Variants in OPCML observed in about 807,000 individuals in gnomAD.
OPCML encodes opioid binding protein/cell adhesion molecule like.
In OPCML, 13 loss-of-function variants were observed where a neutral mutation model predicts 37.8. The ratio of observed to expected loss-of-function variants is 0.34; its 90% CI spans 0.22 to 0.55. OPCML has a LOEUF of 0.55. OPCML is among the 20% of genes least tolerant of loss of function. OPCML has a pLI of 0.91. For missense variants in OPCML, 341 were observed against 435.6 expected (o/e 0.78, Z 1.93); for synonymous variants, 176 against 168.8 (o/e 1.04, Z -0.33).
chr11:133,054,058 T>C (rs1477945212), intron 1 of OPCML, among the ~76,000 whole-genome samples: 2 of 152,192 alleles, frequency 1.3e-5, no homozygotes, highest in Non-Finnish European at 1.5e-5. Flanking sequence ...GATTCTTCTC[T>C]TTTCCTGGTC....
At chr11:132,808,033 G>A (rs1320658894) in intron 2 of OPCML, among the ~76,000 whole-genome samples, 2 of 152,082 alleles carry the variant, frequency 1.3e-5, no homozygotes, top group Non-Finnish European at 2.9e-5. Flanking sequence ...CTTTCTGCTG[G>A]CAATGAATTT....
At chr11:132,914,744 A>G (rs545960449) in intron 2 of OPCML, among the ~76,000 whole-genome samples, 1 of 152,296 alleles carries the variant, frequency 6.6e-6, no homozygotes, top group South Asian at 2.1e-4. Flanking sequence ...CAAAGTTGGG[A>G]GACGGGATGG....
intron 2 of OPCML, among the ~76,000 whole-genome samples, chr11:132,824,302 C>T (rs1234655817): frequency 6.6e-6 from 1 of 152,172 alleles, no homozygotes; most frequent in African/African-American, 2.4e-5. Flanking sequence ...TTCGCTCTTT[C>T]CTTTTCTCTT....
At chr11:132,523,243 G>T (rs530903132) in intron 4 of OPCML, among the ~76,000 whole-genome samples, 1 of 152,292 alleles carries the variant, frequency 6.6e-6, no homozygotes, top group Non-Finnish European at 1.5e-5. Flanking sequence ...CTACCAGAGT[G>T]ACTAGAAGAC....
chr11:132,467,129 G>T (rs2096122527), intron 4 of OPCML, among the ~76,000 whole-genome samples: 1 of 152,182 alleles, frequency 6.6e-6, no homozygotes. Context: ...AGTGGCTGGA[G>T]ATTATTTCTC....
At chr11:132,811,960 G>A (rs1939371986) in intron 2 of OPCML, among the ~76,000 whole-genome samples, 1 of 152,144 alleles carries the variant, frequency 6.6e-6, no homozygotes, top group Non-Finnish European at 1.5e-5. Context: ...TATATACAGT[G>A]ATGTGGTCAT....
At chr11:132,590,931 G>T (rs1326548924) in intron 3 of OPCML, among the ~76,000 whole-genome samples, 3 of 152,150 alleles carry the variant, frequency 2.0e-5, no homozygotes, top group Admixed American at 2.0e-4. Context: ...ATAAGGCTAA[G>T]GTAATTATCT....
chr11:132,740,397 T>G (rs1186255574), intron 2 of OPCML, among the ~76,000 whole-genome samples: 1 of 152,190 alleles, frequency 6.6e-6, no homozygotes, highest in Non-Finnish European at 1.5e-5. Flanking sequence ...TGTATGTTTG[T>G]TCAATGAATG....
At chr11:132,730,210 T>C (rs1945030777) in intron 2 of OPCML, among the ~76,000 whole-genome samples, 1 of 151,952 alleles carries the variant, frequency 6.6e-6, no homozygotes, top group Admixed American at 6.6e-5. Context: ...GAGATTTCTA[T>C]GCAGCCTAAC....
chr11:133,013,023 C>A (rs182951220), intron 1 of OPCML, among the ~76,000 whole-genome samples: 1 of 152,272 alleles, frequency 6.6e-6, no homozygotes, highest in Non-Finnish European at 1.5e-5. Flanking sequence ...TGGGACTTGG[C>A]ACCAGAGTTA....
intron 1 of OPCML, among the ~76,000 whole-genome samples, chr11:133,493,795 C>T (rs745808290): frequency 2.0e-5 from 3 of 152,070 alleles, no homozygotes; most frequent in Non-Finnish European, 4.4e-5. Flanking sequence ...AATGGTAATG[C>T]CTAGGTTTTC....
intron 4 of OPCML, among the ~76,000 whole-genome samples, chr11:132,508,377 C>T (rs1940412): frequency 0.24 from 35,722 of 151,968 alleles, 4,292 homozygotes; most frequent in African/African-American, 0.28. Context: ...CATGACCACA[C>T]CAGATTTATT....
chr11:133,474,224 C>T (rs117462359), intron 1 of OPCML, among the ~76,000 whole-genome samples: 2,561 of 152,310 alleles, frequency 0.017, 39 homozygotes, highest in South Asian at 0.04. Context: ...AACTAGAATG[C>T]ATGGTACGTG....
intron 3 of OPCML, among the ~76,000 whole-genome samples, chr11:132,535,204 C>T (rs903240179): frequency 2.0e-5 from 3 of 151,954 alleles, no homozygotes; most frequent in Non-Finnish European, 4.4e-5. Context: ...TCTCTAGCTA[C>T]CAGAGTAAAA....
chr11:133,051,733 G>C (rs901115251), intron 1 of OPCML, among the ~76,000 whole-genome samples: 2 of 152,148 alleles, frequency 1.3e-5, no homozygotes, highest in African/African-American at 4.8e-5. Context: ...CTTCTAGGCA[G>C]CCCAAGCCCT....
At chr11:132,905,225 C>CTTTTTTTTTTTTTTTTTTTTTTTTTTT in intron 2 of OPCML, among the ~76,000 whole-genome samples, 1 of 88,394 alleles carries the variant, frequency 1.1e-5, no homozygotes, top group Non-Finnish European at 2.1e-5. Flanking sequence ...GAAAGCAGTT[C>CTTTTTTTTTTTTTTTTTTTTTTTTTTT]TTTTTTTTTT....
At chr11:133,243,756 A>G (rs927400098) in intron 1 of OPCML, among the ~76,000 whole-genome samples, 2 of 152,354 alleles carry the variant, frequency 1.3e-5, no homozygotes, top group East Asian at 3.9e-4. Flanking sequence ...AGAAGCAGAC[A>G]CTGAGATGAG....
At chr11:132,834,067 T>A (rs1940868227) in intron 2 of OPCML, among the ~76,000 whole-genome samples, 1 of 152,222 alleles carries the variant, frequency 6.6e-6, no homozygotes, top group Non-Finnish European at 1.5e-5. Context: ...GTTATTTTAC[T>A]TTTCTTGGTC....
At chr11:133,249,594 A>G (rs1199298163) in intron 1 of OPCML, among the ~76,000 whole-genome samples, 1 of 152,184 alleles carries the variant, frequency 6.6e-6, no homozygotes, top group Non-Finnish European at 1.5e-5. Context: ...GGGTTGAGAC[A>G]CCAAGACAAA....
Sources: allele counts gnomAD v4.1 joint callset (sites outside exome capture counted in the v4.1 genomes callset), GRCh38; gene constraint gnomAD v4.1.1; transcripts MANE v1.5; gene names NCBI Gene and HGNC (gene_info 2026-07-23, HGNC 2026-07-21).